Variants in DMXL2 observed in about 807,000 individuals in gnomAD.
The protein encoded by DMXL2 is Dmx like 2, also known as dmX-like protein 2.
DMXL2 carries 103 observed loss-of-function variants against 331.1 expected under a neutral mutation model. The ratio of observed to expected loss-of-function variants is 0.31; its 90% CI spans 0.27 to 0.37. The LOEUF (loss-of-function observed/expected upper bound fraction) is 0.37, where lower values mean the gene tolerates loss of function less well. Ranked by LOEUF, DMXL2 falls within the 10% of genes least tolerant of loss-of-function variation. The pLI, the probability that DMXL2 is intolerant of heterozygous loss-of-function variation, is 1.00. For synonymous variants in DMXL2, 1,281 were observed against 1,252.1 expected (o/e 1.02, Z -0.49); for missense variants, 3,171 against 3,642.9 (o/e 0.87, Z 3.33).
In DMXL2 at chr15:51,503,022, C is replaced by T; in HGVS notation, c.2776G>A (p.Glu926Lys). Residue 926 changes from glutamate (E) to lysine (K), a missense_variant, in exon 17 of 44, where the codon GAA becomes AAA. By Grantham distance (56) the Glu-to-Lys change is moderately conservative. Coordinates refer to ENST00000560891, the MANE Select transcript of DMXL2 (RefSeq NM_001378457.1). Reference protein sequence around the residue: ...SVQACLAKASEGASSESLLSV... With the variant: ...SVQACLAKASKGASSESLLSV... ...AGTAGACTCTCAGAGGAAGCCCCTT[C>T]TGAAGCTTTAGCTTTAAAAATAAAT... 6.2e-7 allele frequency: 1 copy of T among 1,609,482 alleles called. No individual in the cohort carries two copies. Among genetic ancestry groups the T allele is most frequent in the Non-Finnish European group, 8.5e-7 (1 of 1,177,098 alleles).
intron 1 of DMXL2, among the ~76,000 whole-genome samples, chr15:51,599,412 G>A (rs1277477411): frequency 1.3e-5 from 2 of 152,112 alleles, no homozygotes; most frequent in Non-Finnish European, 2.9e-5. Flanking sequence ...GTATGTTTAT[G>A]TATGTATCTA....
intron 1 of DMXL2, among the ~76,000 whole-genome samples, chr15:51,579,168 C>T (rs1007069025): frequency 2.0e-5 from 3 of 152,226 alleles, no homozygotes; most frequent in East Asian, 3.9e-4. Flanking sequence ...AACCCCCTAC[C>T]AAACTAGTAA....
intron 13 of DMXL2, among the ~76,000 whole-genome samples, chr15:51,521,581 A>G (rs2047385159): frequency 6.6e-6 from 1 of 152,080 alleles, no homozygotes; most frequent in Non-Finnish European, 1.5e-5. Flanking sequence ...CTGGTATACT[A>G]TTCCCTATGA....
chr15:51,568,598 G>T, intron 2 of DMXL2, 40 bp from the exon 3 acceptor site: 1 of 1,265,744 alleles, frequency 7.9e-7, no homozygotes, highest in Non-Finnish European at 1.1e-6. Flanking sequence ...CTAGAAAAGG[G>T]TAAAATAAAG....
chr15:51,543,843 A>AT (rs1461826887), intron 8 of DMXL2, among the ~76,000 whole-genome samples: 2 of 152,150 alleles, frequency 1.3e-5, no homozygotes, highest in Non-Finnish European at 2.9e-5. Context: ...TTACATGGCA[A>AT]TAATTCAATT....
chr15:51,536,179 G>C lies in DMXL2; in HGVS notation c.2301C>G (p.Pro767=), dbSNP rs2048277683. The change falls in exon 12 of 44, where the codon CCC becomes CCG. Residue 767 remains proline, a synonymous_variant. Coordinates refer to ENST00000560891, the MANE Select transcript of DMXL2 (RefSeq NM_001378457.1). ...ATGAACACTTACCTAGACAGTAACT[G>C]GGAATGAGAGTTGGAAGCCAAGCCA... ...SNVAWLPTLI[P]SYCLGTYCNS... is the part of the protein sequence containing the mutation. The C allele has an allele frequency of 6.3e-7, 1 of 1,587,766 alleles. No homozygotes were observed. Among genetic ancestry groups the C allele is most frequent in the African/African-American group, 1.4e-5 (1 of 73,798 alleles).
chr15:51,616,481 A>T lies in DMXL2; in HGVS notation c.87+5978T>A, dbSNP rs111968891. On this transcript the variant is annotated intron_variant, in intron 1 of 43. Transcript: ENST00000560891. ...TCTTTAAGAGAGAGTGAATATAGTC[A>T]TGTCACCTTTGTTAAGATGTACTTG... Among the ~76,000 whole-genome samples, 1,349 of 152,342 alleles carry T rather than the reference A, an allele frequency of 8.9e-3. 19 individuals are homozygous for T. The highest frequency in any genetic ancestry group is 0.031 in the African/African-American group (1,298 of 41,580).
chr15:51,494,399 T>G (rs1243684705), intron 19 of DMXL2, among the ~76,000 whole-genome samples: 3 of 152,192 alleles, frequency 2.0e-5, no homozygotes, highest in African/African-American at 7.2e-5. Context: ...TATAGTCCAC[T>G]GAAATAAGCT....
At chr15:51,580,643 A>G (rs1356250458) in intron 1 of DMXL2, among the ~76,000 whole-genome samples, 1 of 152,196 alleles carries the variant, frequency 6.6e-6, no homozygotes, top group African/African-American at 2.4e-5. Context: ...GGCCCAAGAA[A>G]AGAGGAAGAG....
At position 51,481,136 on chromosome 15, in the gene DMXL2, T is replaced by C. The variant is rs2041979238; in HGVS notation, c.5970A>G (p.Glu1990=). ...TCATCACTAAACCAACAGCATCGTC[T>C]TCCTCTTCATCTAAGGCACTGTCGT... ...EDHDSALDEE[E]DDAVGLVMKS... is the part of the protein sequence containing the mutation. Residue 1990 remains glutamate (E), a synonymous_variant, in exon 24 of 44, where the codon GAA becomes GAG. Transcript: ENST00000560891. 2 of 1,612,136 alleles carry C rather than the reference T, an allele frequency of 1.2e-6. No individual in the cohort carries two copies. Among genetic ancestry groups the C allele is most frequent in the African/African-American group, 1.3e-5 (1 of 74,862 alleles).
At chr15:51,497,333 A>C (rs1567029305) in intron 18 of DMXL2, among the ~76,000 whole-genome samples, 1 of 152,234 alleles carries the variant, frequency 6.6e-6, no homozygotes, top group Non-Finnish European at 1.5e-5. Context: ...GGAAATCATG[A>C]AATAGTTAAA....
rs2140341049 is a variant in DMXL2 at position 51,476,661 on chromosome 15, C to T, written c.6892G>A (p.Asp2298Asn). 6.8e-6 allele frequency: 11 copies of T among 1,611,306 alleles called. No homozygotes were observed. Among genetic ancestry groups the T allele is most frequent in the Non-Finnish European group, 9.3e-6 (11 of 1,179,084 alleles). Residue 2298 changes from aspartate to asparagine, a missense_variant, in exon 27 of 44, where the codon GAT becomes AAT. This residue lies in a region of DMXL2 where 766 missense variants were observed against 940.5 expected (regional missense o/e 0.81). Coordinates refer to ENST00000560891, the MANE Select transcript of DMXL2 (RefSeq NM_001378457.1). Reference sequence around the variant, plus strand: ...CTTTCTGTCCTTAGTCTTCTACGATCACTTAAAAGAAGTCCTTGATAAGCC... The same window carrying T: ...CTTTCTGTCCTTAGTCTTCTACGATTACTTAAAAGAAGTCCTTGATAAGCC... ...GMAYQGLLLS[D>N]RRRLRTESIE...
At chr15:51,530,642 C>G (rs1222224504) in intron 13 of DMXL2, among the ~76,000 whole-genome samples, 1 of 151,710 alleles carries the variant, frequency 6.6e-6, no homozygotes, top group Non-Finnish European at 1.5e-5. Flanking sequence ...GTAGTCCCAG[C>G]TACTCTGGAG....
At chr15:51,617,276 G>T (rs1409596983) in intron 1 of DMXL2, among the ~76,000 whole-genome samples, 2 of 152,200 alleles carry the variant, frequency 1.3e-5, no homozygotes, top group Non-Finnish European at 2.9e-5. Flanking sequence ...GAAAAGGAAA[G>T]CTGCGAAAGG....
rs573868137 is a variant in DMXL2 at position 51,587,522 on chromosome 15, C to T, written c.88-11341G>A. Among the ~76,000 whole-genome samples the T allele has an allele frequency of 9.3e-3, 1,420 of 152,290 alleles. 24 individuals carry two copies. The highest frequency in any genetic ancestry group is 0.032 in the African/African-American group (1,324 of 41,546). ...CTCATCATTTTTTATGGCTGCATAG[C>T]ATTCCATGGTGTATATGTGCCACAT... On this transcript the variant is annotated intron_variant, in intron 1 of 43. Transcript: ENST00000560891.
In DMXL2 at chr15:51,565,103, C is replaced by T; in HGVS notation, c.349G>A (p.Ala117Thr). The stretch of plus-strand genomic sequence containing the variant: ...TGCTAAATACCTTGAGGATCCCATG[C>T]TAAGTTGTATGTCACAGAACTCAAA... ...FFLSSVTYNL[A>T]WDPQDNRLLT... Residue 117 changes from alanine (A) to threonine (T), a missense_variant, in exon 4 of 44, where the codon GCA becomes ACA. Transcript: ENST00000560891. The T allele has an allele frequency of 1.3e-6, 2 of 1,554,376 alleles. No homozygotes were observed. Among genetic ancestry groups the T allele is most frequent in the Non-Finnish European group, 1.7e-6 (2 of 1,153,532 alleles).
At position 51,471,227 on chromosome 15, in the gene DMXL2, G is replaced by T. The variant is rs147462209; in HGVS notation, c.7388C>A (p.Ala2463Glu). The T allele has an allele frequency of 9.3e-6, 15 of 1,613,184 alleles. No individual in the cohort carries two copies. The highest frequency in any genetic ancestry group is 1.3e-5 in the Non-Finnish European group (15 of 1,179,550). The change falls in exon 29 of 44, where the codon GCA (alanine) becomes GAA (glutamate). Residue 2463 changes from alanine (A) to glutamate (E), a missense_variant. Ala to Glu is a moderately radical substitution (Grantham distance 107). This residue lies in a region of DMXL2 where 766 missense variants were observed against 940.5 expected (regional missense o/e 0.81). Transcript: ENST00000560891. ...PELSMWDYFV[A>E]KPFLPLSDSG... Reference sequence around the variant, plus strand: ...TGCATTCCTCACACTCCTTACCTTTGCAACAAAATAATCCCACATACTAAG... The same window carrying T: ...TGCATTCCTCACACTCCTTACCTTTTCAACAAAATAATCCCACATACTAAG...
chr15:51,602,898 A>G (rs2141330401), intron 1 of DMXL2, among the ~76,000 whole-genome samples: 1 of 152,380 alleles, frequency 6.6e-6, no homozygotes, highest in Admixed American at 6.5e-5. Context: ...ATGTCCAGGC[A>G]TAATCCAAAA....
chr15:51,605,514 A>ATTT (rs2053520971), intron 1 of DMXL2, among the ~76,000 whole-genome samples: 1 of 36,866 alleles, frequency 2.7e-5, no homozygotes, highest in African/African-American at 6.9e-5. Flanking sequence ...ACAGATTAAT[A>ATTT]TTCTTTTTTT....
Sources: gnomAD v4.1 joint callset for allele counts (sites outside exome capture counted in the v4.1 genomes callset) on GRCh38, gnomAD v4.1.1 for gene constraint, gnomAD v4.1.1 regional missense constraint, MANE v1.5 for transcripts, NCBI Gene and HGNC (gene_info 2026-07-23, HGNC 2026-07-21) for gene names.